CDH2: variants seen among roughly 807,000 people sequenced by gnomAD.
CDH2 encodes cadherin 2, also known as cadherin-2.
A neutral mutation model predicts 92.0 loss-of-function variants in CDH2; 17 were observed. The observed-to-expected ratio is 0.18, with a 90% CI of 0.13 to 0.28. The LOEUF (loss-of-function observed/expected upper bound fraction) is 0.28, where lower values mean the gene tolerates loss of function less well. Among genes scored for constraint, CDH2 ranks in the 10% least tolerant of loss-of-function variants. CDH2 has a pLI of 1.00. For synonymous variants in CDH2, 419 were observed against 415.9 expected, an observed-to-expected ratio of 1.01 and a Z score of -0.09; for missense variants, 862 against 1,133.1, an observed-to-expected ratio of 0.76 and a Z score of 3.44.
chr18:28,172,692 G>A (rs1465352651), intron 1 of CDH2, among the ~76,000 whole-genome samples: 2 of 152,064 alleles, frequency 1.3e-5, no homozygotes, highest in Non-Finnish European at 2.9e-5. Flanking sequence ...TTAAATGGCT[G>A]ACAAAAACCA....
chr18:28,008,965 C>G (rs1001167611), intron 5 of CDH2, among the ~76,000 whole-genome samples: 1 of 151,948 alleles, frequency 6.6e-6, no homozygotes, highest in Non-Finnish European at 1.5e-5. Context: ...CAAAGTGGGT[C>G]TCTCCTTTTA....
intron 2 of CDH2, among the ~76,000 whole-genome samples, chr18:28,054,589 G>A (rs2014256011): frequency 6.6e-6 from 1 of 152,058 alleles, no homozygotes; most frequent in Admixed American, 6.6e-5. Context: ...TGCCTTTATT[G>A]TAAACAGCCA....
intron 9 of CDH2, among the ~76,000 whole-genome samples, chr18:27,992,080 C>G (rs1383339869): frequency 6.6e-6 from 1 of 152,160 alleles, no homozygotes; most frequent in East Asian, 1.9e-4. Context: ...TTAAAAACAG[C>G]CATGCAAATG....
chr18:28,004,026 A>G (rs1019411910), intron 6 of CDH2, among the ~76,000 whole-genome samples: 2 of 152,168 alleles, frequency 1.3e-5, no homozygotes, highest in Non-Finnish European at 2.9e-5. Flanking sequence ...TTCTCTCTCC[A>G]TGGTATACCT....
intron 3 of CDH2, among the ~76,000 whole-genome samples, chr18:28,012,886 G>A (rs979213177): frequency 6.6e-6 from 1 of 152,108 alleles, no homozygotes; most frequent in African/African-American, 2.4e-5. Flanking sequence ...AGAAATGAAT[G>A]TGTCTGTTTT....
intron 15 of CDH2, among the ~76,000 whole-genome samples, chr18:27,955,759 C>CTTTTTTTTTTTT (rs1219088194): frequency 7.7e-5 from 2 of 25,938 alleles, no homozygotes; most frequent in Non-Finnish European, 1.0e-4. Flanking sequence ...TTCTTTATTT[C>CTTTTTTTTTTTT]TGTTTTTTTT....
intron 2 of CDH2, among the ~76,000 whole-genome samples, chr18:28,043,111 C>T (rs1380708612): frequency 6.6e-6 from 1 of 152,030 alleles, no homozygotes; most frequent in Admixed American, 6.6e-5. Flanking sequence ...TGGAATACTA[C>T]TCAGTCATAA....
chr18:28,019,385 AAAG>A (rs2013344901), intron 2 of CDH2, among the ~76,000 whole-genome samples: 1 of 151,900 alleles, frequency 6.6e-6, no homozygotes, highest in Non-Finnish European at 1.5e-5. Flanking sequence ...AGAAAAGAAA[AAAG>A]AAAAGAAAAA....
intron 2 of CDH2, among the ~76,000 whole-genome samples, chr18:28,135,390 T>C (rs1249339146): frequency 6.6e-6 from 1 of 152,196 alleles, no homozygotes; most frequent in Non-Finnish European, 1.5e-5. Context: ...TAATAAATTA[T>C]AATTGTTGTT....
intron 2 of CDH2, among the ~76,000 whole-genome samples, chr18:28,097,894 A>G (rs1433705698): frequency 6.6e-6 from 1 of 152,198 alleles, no homozygotes; most frequent in Non-Finnish European, 1.5e-5. Context: ...TTTTTGATAA[A>G]ATGGAGTTTT....
intron 2 of CDH2, among the ~76,000 whole-genome samples, chr18:28,094,349 A>T (rs997690440): frequency 5.9e-5 from 9 of 152,034 alleles, no homozygotes; most frequent in Admixed American, 3.3e-4. Flanking sequence ...TTAGCCAGGC[A>T]TGGTGGTGCA....
At chr18:28,120,279 T>C (rs553032773) in intron 2 of CDH2, among the ~76,000 whole-genome samples, 1 of 152,160 alleles carries the variant, frequency 6.6e-6, no homozygotes, top group Admixed American at 6.6e-5. Flanking sequence ...ATATATTTTG[T>C]ATGTATGCAT....
At chr18:27,945,440 A>C (rs927030050) in intron 6 of CDH2, among the ~76,000 whole-genome samples, 2 of 149,490 alleles carry the variant, frequency 1.3e-5, no homozygotes, top group African/African-American at 4.9e-5. Context: ...TGTATGAGTC[A>C]AAAAAGTGAC....
chr18:28,060,811 T>C (rs2014388826), intron 2 of CDH2, among the ~76,000 whole-genome samples: 1 of 152,216 alleles, frequency 6.6e-6, no homozygotes, highest in African/African-American at 2.4e-5. Context: ...CCCTGGCTCC[T>C]TCTGGTGAAC....
At position 28,177,099 on chromosome 18, in the gene CDH2, C is replaced by G; in HGVS notation, c.-77G>C. On this transcript the variant is annotated 5_prime_UTR_variant, in exon 1 of 16. Transcript: ENST00000269141. The stretch of plus-strand genomic sequence containing the variant: ...GCGGCGGCGGAGGAGGAGGAGGCAG[C>G]GGCAGCACCAACAGCGGCGCGGAGA... 5 of 1,104,066 alleles carry G rather than the reference C, an allele frequency of 4.5e-6. No homozygotes were observed. The highest frequency in any genetic ancestry group is 1.3e-6 in the Non-Finnish European group (1 of 789,612). The allele number at this position is 1,104,066 out of a possible 1,614,324, so 68.4% of individuals were successfully genotyped here. A position where few individuals can be genotyped will look rare whatever the true frequency, so the allele number is the denominator to read the frequency against.
intron 2 of CDH2, among the ~76,000 whole-genome samples, chr18:28,075,443 C>T (rs1467489816): frequency 1.3e-5 from 2 of 152,090 alleles, no homozygotes; most frequent in Non-Finnish European, 2.9e-5. Context: ...CTTAAGAGTG[C>T]TCTGAACTAT....
chr18:28,165,771 G>A (rs1175499798), intron 1 of CDH2, among the ~76,000 whole-genome samples: 2 of 148,624 alleles, frequency 1.3e-5, no homozygotes, highest in Non-Finnish European at 3.0e-5. Context: ...GTGTCACACT[G>A]CTTCTTCAGG....
At chr18:28,103,267 TTATA>T (rs546854876) in intron 2 of CDH2, among the ~76,000 whole-genome samples, 3 of 94,616 alleles carry the variant, frequency 3.2e-5, no homozygotes, top group East Asian at 6.3e-4. Flanking sequence ...AAAAACTCCT[TTATA>T]TATATAAAGT....
intron 11 of CDH2, among the ~76,000 whole-genome samples, chr18:27,988,246 C>T (rs1453375907): frequency 6.6e-6 from 1 of 152,054 alleles, no homozygotes; most frequent in Non-Finnish European, 1.5e-5. Flanking sequence ...TGTCTAGGGC[C>T]ACTGAGGATG....
Sources: gnomAD v4.1 joint callset for allele counts (sites outside exome capture counted in the v4.1 genomes callset) on GRCh38, gnomAD v4.1.1 for gene constraint, MANE v1.5 for transcripts, NCBI Gene and HGNC (gene_info 2026-07-23, HGNC 2026-07-21) for gene names.